IFNGR1: variants seen among roughly 807,000 people sequenced by gnomAD.
IFNGR1 encodes the protein interferon gamma receptor 1, also known as AVP, type 2.
Under a neutral mutation model 35.4 loss-of-function variants are expected in IFNGR1, and 23 were observed. The observed-to-expected ratio is 0.65, with a 90% CI of 0.47 to 0.92. The LOEUF (loss-of-function observed/expected upper bound fraction) is 0.92, where lower values mean the gene tolerates loss of function less well. Among genes scored for constraint, IFNGR1 ranks in the 40% least tolerant of loss-of-function variants. The pLI, the probability that IFNGR1 is intolerant of heterozygous loss-of-function variation, is 0.00. For missense variants in IFNGR1, 533 were observed against 583.4 expected (o/e 0.91, Z 0.89); for synonymous variants, 199 against 209.5 (o/e 0.95, Z 0.43).
chr6:137,207,084 G>A lies in IFNGR1; in HGVS notation c.86-7C>T, dbSNP rs199742409. Reference sequence around the variant, plus strand: ...ACATTAGTTGGTGTAGGCACTGTAAGAAAATAAAAAAGTAAAAGGGACAAT... The same window carrying A: ...ACATTAGTTGGTGTAGGCACTGTAAAAAAATAAAAAAGTAAAAGGGACAAT... On this transcript the variant is annotated splice_polypyrimidine_tract_variant and splice_region_variant and intron_variant, in intron 1 of 6. Transcript: ENST00000367739. The A allele has an allele frequency of 5.6e-6, 9 of 1,613,290 alleles. No homozygotes were observed. In the East Asian group the frequency reaches 1.1e-4, roughly 20 times the overall value.
In IFNGR1 at chr6:137,206,274, T is replaced by G; in HGVS notation, c.235A>C (p.Asn79His). ...ATATTACAATAATGATGAGAAATAT[T>G]GATGCAGGCATCAATCCATTCTGAA... ...KNSEWIDACINISHHYCNISD... is the reference protein window; with the variant it reads ...KNSEWIDACIHISHHYCNISD... The change falls in exon 3 of 7, where the codon AAT (asparagine) becomes CAT (histidine). Residue 79 changes from asparagine to histidine, a missense_variant. By Grantham distance (68) the Asn-to-His change is moderately conservative (BLOSUM62 1). Transcript: ENST00000367739. 6.2e-7 allele frequency: 1 copy of G among 1,609,990 alleles called. No individual in the cohort carries two copies. The highest frequency in any genetic ancestry group is 1.1e-5 in the South Asian group (1 of 91,008).
chr6:137,199,499 A>AAATATAT (rs1779201483), intron 6 of IFNGR1, among the ~76,000 whole-genome samples: 2 of 21,936 alleles, frequency 9.1e-5, no homozygotes, highest in Non-Finnish European at 1.6e-4. Context: ...ATATTATATA[A>AAATATAT]AATATATAAT....
intron 1 of IFNGR1, among the ~76,000 whole-genome samples, chr6:137,209,186 T>C (rs941711420): frequency 8.5e-5 from 13 of 152,250 alleles, no homozygotes; most frequent in Non-Finnish European, 1.9e-4. Context: ...AGGAAGTAAC[T>C]AGCTTGCTTT....
rs749210462 is a variant in IFNGR1, at chr6:137,197,996, A to G, written c.*35T>C. ...ATTAAAGCAGAAAACTGTCCAGGAA[A>G]ATCAGACTTCAAAGTTGGTGCAACT... is the stretch of plus-strand genomic sequence containing the variant. On this transcript the variant is annotated 3_prime_UTR_variant, in exon 7 of 7. Transcript: ENST00000367739. 6 of 1,613,346 alleles carry G rather than the reference A, an allele frequency of 3.7e-6. No homozygotes were observed. Among genetic ancestry groups the G allele is most frequent in the Non-Finnish European group, 8.5e-7 (1 of 1,179,792 alleles).
Position 137,219,264 on chromosome 6 carries a change from C to G in IFNGR1, c.64G>C (p.Ala22Pro). 6.2e-7 allele frequency: 1 copy of G among 1,611,538 alleles called. No individual in the cohort carries two copies. The highest frequency in any genetic ancestry group is 8.5e-7 in the Non-Finnish European group (1 of 1,179,132). The change falls in exon 1 of 7, where the codon GCG becomes CCG. Residue 22 changes from alanine to proline, a missense_variant. By Grantham distance (27) the Ala-to-Pro change is conservative. Transcript: ENST00000367739. ...QGVSRAEMGT[A>P]DLGPSSVPTP... ...GTACCTGAGGACGGCCCCAGATCCG[C>G]GGTGCCCATCTCAGCCCTGCTCACA... is the stretch of plus-strand genomic sequence containing the variant.
At chr6:137,218,940 C>T in intron 1 of IFNGR1, 1 of 497,920 alleles carries the variant, frequency 2.0e-6, no homozygotes, top group Non-Finnish European at 3.7e-6. Flanking sequence ...CATTGACCAG[C>T]AACGTCCTTC....
At chr6:137,208,896 C>A (rs924649722) in intron 1 of IFNGR1, among the ~76,000 whole-genome samples, 6 of 152,210 alleles carry the variant, frequency 3.9e-5, no homozygotes, top group Admixed American at 1.3e-4. Context: ...TCTGGAAAAG[C>A]TGCAGACATT....
chr6:137,202,944 A>G (rs1169463264), intron 5 of IFNGR1, among the ~76,000 whole-genome samples: 1 of 152,110 alleles, frequency 6.6e-6, no homozygotes, highest in African/African-American at 2.4e-5. Context: ...TAGCATATAT[A>G]TCTCTACCTC....
rs1209121979 is a variant in IFNGR1, at chr6:137,206,547, ACATT to A, written c.201-243_201-240del. 1.1e-5 allele frequency: 5 copies of A among 452,224 alleles called. No individual in the cohort carries two copies. In the Admixed American group the frequency reaches 1.6e-4, roughly 14 times the overall value. The allele number at this position is 452,224 out of a possible 1,614,324, so 28.0% of individuals were successfully genotyped here. On this transcript the variant is annotated intron_variant, in intron 2 of 6. Coordinates refer to ENST00000367739, the MANE Select transcript of IFNGR1 (RefSeq NM_000416.3). ...GTAAGACCTATGCAAGCCACATTCC[ACATT>A]CAATTTTTTAAAAATCTGTTTTTTT...
chr6:137,198,556 G>A lies in IFNGR1; in HGVS notation c.945C>T (p.Ser315=). The A allele has an allele frequency of 6.2e-7, 1 of 1,613,766 alleles. No homozygotes were observed. Among genetic ancestry groups the A allele is most frequent in the Non-Finnish European group, 8.5e-7 (1 of 1,179,814 alleles). The change falls in exon 7 of 7, where the codon TCC becomes TCT. Residue 315 remains serine (S), a synonymous_variant. Transcript: ENST00000367739. ...CTTCACAGACCACCTCCTTTTCTAAGGAAAATGGCTGGTATGACGTGATGA... is the reference window on the plus strand; with the variant it reads ...CTTCACAGACCACCTCCTTTTCTAAAGAAAATGGCTGGTATGACGTGATGA... The part of the protein sequence containing the change: ...VSLITSYQPF[S]LEKEVVCEEP...
chr6:137,208,699 C>A (rs1431033007), intron 1 of IFNGR1, among the ~76,000 whole-genome samples: 1 of 152,220 alleles, frequency 6.6e-6, no homozygotes, highest in Non-Finnish European at 1.5e-5. Flanking sequence ...ATGGAAATGC[C>A]TGGATGCCCA....
chr6:137,202,525 G>A (rs1465476344), intron 5 of IFNGR1, among the ~76,000 whole-genome samples: 1 of 150,002 alleles, frequency 6.7e-6, no homozygotes, highest in Non-Finnish European at 1.5e-5. Context: ...TCCATTCCTC[G>A]AAAATATACT....
rs767476170 is a variant in IFNGR1 at position 137,198,447 on chromosome 6, T to C, written c.1054A>G (p.Ile352Val). ...KVEHTEELSS[I>V]TEVVTTEENI... ...TCTTCAGTAGTCACCACTTCTGTTA[T>C]ACTAGAAAGTTCTTCTGTATGTTCC... Residue 352 changes from isoleucine to valine, a missense_variant, in exon 7 of 7, where the codon ATA becomes GTA. Transcript: ENST00000367739. 3 of 1,614,080 alleles carry C rather than the reference T, an allele frequency of 1.9e-6. No homozygotes were observed. Among genetic ancestry groups the C allele is most frequent in the Admixed American group, 1.7e-5 (1 of 59,990 alleles).
At chr6:137,200,020 A>T (rs1182415849) in intron 6 of IFNGR1, among the ~76,000 whole-genome samples, 1 of 152,110 alleles carries the variant, frequency 6.6e-6, no homozygotes, top group Non-Finnish European at 1.5e-5. Flanking sequence ...TTTCACCAGC[A>T]TTTACCCGTT....
chr6:137,217,659 C>T (rs1779737411), intron 1 of IFNGR1, among the ~76,000 whole-genome samples: 1 of 152,148 alleles, frequency 6.6e-6, no homozygotes, highest in African/African-American at 2.4e-5. Context: ...TGGTTCTAGC[C>T]TCTTGAGACC....
At chr6:137,217,124 C>T (rs1364170988) in intron 1 of IFNGR1, among the ~76,000 whole-genome samples, 1 of 152,198 alleles carries the variant, frequency 6.6e-6, no homozygotes, top group Non-Finnish European at 1.5e-5. Context: ...CAGTCAGAGG[C>T]CTACTAACTC....
Position 137,198,345 on chromosome 6 carries a change from G to C in IFNGR1, c.1156C>G (p.Gln386Glu), listed in dbSNP as rs770411050. ...RESSSPLSSNQSEPGSIALNS... is the reference protein window; with the variant it reads ...RESSSPLSSNESEPGSIALNS... The stretch of plus-strand genomic sequence containing the variant: ...AAAGCGATGCTGCCAGGTTCAGACT[G>C]GTTACTACTTAAAGGTGAAGAACTC... Residue 386 changes from glutamine (Q) to glutamate (E), a missense_variant, in exon 7 of 7, where the codon CAG becomes GAG. Transcript: ENST00000367739. 6.2e-7 allele frequency: 1 copy of C among 1,613,802 alleles called. No homozygotes were observed. The highest frequency in any genetic ancestry group is 1.1e-5 in the South Asian group (1 of 91,070).
Position 137,206,270 on chromosome 6 carries a change from A to G in IFNGR1, c.239T>C (p.Ile80Thr). ...AGAAATATTACAATAATGATGAGAA[A>G]TATTGATGCAGGCATCAATCCATTC... ...NSEWIDACIN[I>T]SHHYCNISDH... Residue 80 changes from isoleucine (I) to threonine (T), a missense_variant, in exon 3 of 7, where the codon ATT becomes ACT. Ile to Thr is a moderately conservative substitution (Grantham distance 89). Transcript: ENST00000367739. 2 of 1,610,340 alleles carry G rather than the reference A, an allele frequency of 1.2e-6. No homozygotes were observed. The highest frequency in any genetic ancestry group is 1.7e-6 in the Non-Finnish European group (2 of 1,176,500).
intron 1 of IFNGR1, among the ~76,000 whole-genome samples, chr6:137,214,326 C>A (rs567020741): frequency 6.6e-6 from 1 of 152,314 alleles, no homozygotes; most frequent in East Asian, 1.9e-4. Context: ...ATCTCCCTCC[C>A]GAATGGCTTC....
Sources: allele counts gnomAD v4.1 joint callset (sites outside exome capture counted in the v4.1 genomes callset), GRCh38; gene constraint gnomAD v4.1.1; transcripts MANE v1.5; gene names NCBI Gene and HGNC (gene_info 2026-07-23, HGNC 2026-07-21).